The following TRPC4 variants were observed in gnomAD, a reference collection of about 807,000 sequenced individuals.
TRPC4 encodes the protein short transient receptor potential channel 4.
TRPC4 carries 49 observed loss-of-function variants against 99.4 expected under a neutral mutation model. The ratio of observed to expected loss-of-function variants is 0.49; its 90% confidence interval spans 0.39 to 0.63. The LOEUF is 0.63. Ranked by LOEUF, TRPC4 falls within the 20% of genes least tolerant of loss-of-function variation. The pLI is 0.00. For synonymous variants in TRPC4, 454 were observed against 425.9 expected (o/e 1.07, Z -0.81); for missense variants, 898 against 1,152.9 (o/e 0.78, Z 3.20).
intron 5 of TRPC4, among the ~76,000 whole-genome samples, chr13:37,672,298 T>C (rs1952876934): frequency 6.6e-6 from 1 of 152,204 alleles, no homozygotes; most frequent in Non-Finnish European, 1.5e-5. Flanking sequence ...GTTTAAATAT[T>C]GTCTAAATAG....
chr13:37,852,607 C>G (rs1959087718), intron 1 of TRPC4, among the ~76,000 whole-genome samples: 1 of 152,160 alleles, frequency 6.6e-6, no homozygotes, highest in South Asian at 2.1e-4. Flanking sequence ...GGGAAATTTT[C>G]TTGCACCTTA....
chr13:37,847,702 A>G (rs904954254), intron 1 of TRPC4, among the ~76,000 whole-genome samples: 3 of 152,134 alleles, frequency 2.0e-5, no homozygotes, highest in African/African-American at 7.2e-5. Context: ...GAGATTTGCA[A>G]CAACATGGAG....
chr13:37,711,836 G>T (rs1954495883), intron 3 of TRPC4, among the ~76,000 whole-genome samples: 1 of 151,956 alleles, frequency 6.6e-6, no homozygotes, highest in Non-Finnish European at 1.5e-5. Flanking sequence ...TTTCAGAAAA[G>T]AAAGTAGAAA....
chr13:37,867,031 C>T (rs1566236425), intron 1 of TRPC4, among the ~76,000 whole-genome samples: 1 of 147,596 alleles, frequency 6.8e-6, no homozygotes, highest in African/African-American at 2.7e-5. Context: ...TCAAAGTGCA[C>T]ATTAGAATTT....
intron 1 of TRPC4, among the ~76,000 whole-genome samples, chr13:37,846,828 A>T (rs1958918577): frequency 6.6e-6 from 1 of 152,110 alleles, no homozygotes; most frequent in African/African-American, 2.4e-5. Flanking sequence ...TCACTTTACT[A>T]GTACAGATAC....
At chr13:37,858,047 A>G (rs894448932) in intron 1 of TRPC4, among the ~76,000 whole-genome samples, 2 of 151,808 alleles carry the variant, frequency 1.3e-5, no homozygotes, top group African/African-American at 4.8e-5. Flanking sequence ...AGTATATATA[A>G]GAAGTTCAAA....
chr13:37,837,309 C>G (rs1958593405), intron 1 of TRPC4, among the ~76,000 whole-genome samples: 1 of 152,174 alleles, frequency 6.6e-6, no homozygotes, highest in Non-Finnish European at 1.5e-5. Context: ...TCCTCCAGAC[C>G]CTAGAATGGT....
At chr13:37,858,896 C>A (rs1415627) in intron 1 of TRPC4, among the ~76,000 whole-genome samples, 87,838 of 151,034 alleles carry the variant, frequency 0.58, 25,894 homozygotes, top group East Asian at 0.7. Context: ...AAGTCAAACT[C>A]ATTTAACTTT....
chr13:37,841,662 T>A (rs913042120), intron 1 of TRPC4, among the ~76,000 whole-genome samples: 8 of 152,086 alleles, frequency 5.3e-5, no homozygotes, highest in African/African-American at 1.9e-4. Flanking sequence ...TCATTAGCCA[T>A]TGTAGAAATA....
chr13:37,647,742 T>C (rs2138585890), intron 8 of TRPC4, among the ~76,000 whole-genome samples: 2 of 152,352 alleles, frequency 1.3e-5, no homozygotes, highest in Middle Eastern at 6.8e-3. Flanking sequence ...GTGTCACTGT[T>C]CCTTAAATGT....
At chr13:37,722,931 A>G (rs1399268404) in intron 3 of TRPC4, among the ~76,000 whole-genome samples, 1 of 152,178 alleles carries the variant, frequency 6.6e-6, no homozygotes, top group Admixed American at 6.5e-5. Flanking sequence ...AATCACAAGG[A>G]TAAGCACAAG....
chr13:37,687,664 C>T (rs1953531735), intron 4 of TRPC4, among the ~76,000 whole-genome samples: 1 of 151,838 alleles, frequency 6.6e-6, no homozygotes, highest in Non-Finnish European at 1.5e-5. Flanking sequence ...TTGCATATTC[C>T]CAGTATATTA....
At chr13:37,659,991 A>C (rs9548004) in intron 6 of TRPC4, among the ~76,000 whole-genome samples, 1,912 of 152,276 alleles carry the variant, frequency 0.013, 20 homozygotes, top group Admixed American at 0.02. Flanking sequence ...AGACAGCTGA[A>C]TATATTGTGC....
At chr13:37,699,952 A>ATG (rs5802895) in intron 3 of TRPC4, among the ~76,000 whole-genome samples, 83,596 of 151,766 alleles carry the variant, frequency 0.55, 23,530 homozygotes, top group African/African-American at 0.66. Flanking sequence ...GAAATAAAGC[A>ATG]TGTGTGTGGG....
intron 4 of TRPC4, among the ~76,000 whole-genome samples, chr13:37,683,840 C>G (rs541546639): frequency 2.6e-5 from 4 of 152,018 alleles, no homozygotes; most frequent in Admixed American, 6.6e-5. Flanking sequence ...TGGGTCAGGC[C>G]TTTATTGGGA....
Position 37,634,394 on chromosome 13 carries a change from A to C in TRPC4, c.*2509T>G, listed in dbSNP as rs547331614. 1.2e-4 allele frequency among the ~76,000 whole-genome samples: 19 copies of C among 152,174 alleles called. No homozygotes were observed. The South Asian group carries it at 3.3e-3, about 27-fold the overall frequency. On this transcript the variant is annotated 3_prime_UTR_variant, in exon 11 of 11. Coordinates refer to ENST00000379705, the MANE Select transcript of TRPC4 (RefSeq NM_016179.4). ...ACATCGGGTACTAATAATATCCAGCACTTTGTTCATACTCATAAACACATC... is the reference window on the plus strand; with the variant it reads ...ACATCGGGTACTAATAATATCCAGCCCTTTGTTCATACTCATAAACACATC...
intron 1 of TRPC4, among the ~76,000 whole-genome samples, chr13:37,807,614 G>A (rs1337939309): frequency 4.0e-5 from 6 of 151,880 alleles, no homozygotes; most frequent in African/African-American, 1.2e-4. Flanking sequence ...CCTCCACCTC[G>A]CTATAGAAAA....
At chr13:37,835,701 T>C (rs1958546778) in intron 1 of TRPC4, among the ~76,000 whole-genome samples, 1 of 152,296 alleles carries the variant, frequency 6.6e-6, no homozygotes, top group East Asian at 1.9e-4. Flanking sequence ...AACAAATGTT[T>C]TGTATCCTAG....
At chr13:37,836,521 G>A (rs1214422926) in intron 1 of TRPC4, among the ~76,000 whole-genome samples, 1 of 152,150 alleles carries the variant, frequency 6.6e-6, no homozygotes, top group Non-Finnish European at 1.5e-5. Context: ...TGGAGTAAAG[G>A]TGACCGTTGT....
Sources: gnomAD v4.1 joint callset for allele counts (sites outside exome capture counted in the v4.1 genomes callset) on GRCh38, gnomAD v4.1.1 for gene constraint, MANE v1.5 for transcripts, NCBI Gene and HGNC (gene_info 2026-07-23, HGNC 2026-07-21) for gene names.